MARCHF11: variants seen among roughly 807,000 people sequenced by gnomAD.
The protein encoded by MARCHF11 is E3 ubiquitin-protein ligase MARCHF11.
MARCHF11 carries 29 observed loss-of-function variants against 37.3 expected under a neutral mutation model. The observed-to-expected ratio is 0.78, with a 90% CI of 0.58 to 1.06. The LOEUF (loss-of-function observed/expected upper bound fraction) is 1.06, where lower values mean the gene tolerates loss of function less well. Among genes scored for constraint, MARCHF11 ranks in the 50% least tolerant of loss-of-function variants. The pLI, the probability that MARCHF11 is intolerant of heterozygous loss-of-function variation, is 0.00. For synonymous variants in MARCHF11, 233 were observed against 228.0 expected, an observed-to-expected ratio of 1.02 and a Z score of -0.20; for missense variants, 482 against 533.4, an observed-to-expected ratio of 0.90 and a Z score of 0.95.
In MARCHF11 at chr5:16,067,261, A is replaced by ACTT; in HGVS notation, c.*207_*209dup. ...ATATGTATAATGATTTCAAGTACCA[A>ACTT]CTTATAAAAGATGTGACAAACCAGA... On this transcript the variant is annotated 3_prime_UTR_variant, in exon 4 of 4. Coordinates refer to ENST00000332432, the MANE Select transcript of MARCHF11 (RefSeq NM_001102562.3). The ACTT allele has an allele frequency of 2.0e-6, 1 of 498,482 alleles. No individual in the cohort carries two copies. The highest frequency in any genetic ancestry group is 3.5e-6 in the Non-Finnish European group (1 of 285,358). 30.9% of individuals were successfully genotyped at this position (498,482 alleles called of 1,614,324 possible). A position where few individuals can be genotyped will look rare whatever the true frequency, so the allele number is the denominator to read the frequency against.
At chr5:16,079,069 C>A (rs961136514) in intron 3 of MARCHF11, among the ~76,000 whole-genome samples, 2 of 152,110 alleles carry the variant, frequency 1.3e-5, no homozygotes, top group Non-Finnish European at 2.9e-5. Flanking sequence ...GATGGTTTGA[C>A]CCCTGACTCC....
chr5:16,163,772 A>G (rs1738125337), intron 2 of MARCHF11, among the ~76,000 whole-genome samples: 1 of 152,110 alleles, frequency 6.6e-6, no homozygotes, highest in Admixed American at 6.6e-5. Context: ...TTAATCATCA[A>G]TGTGATACTA....
intron 2 of MARCHF11, among the ~76,000 whole-genome samples, chr5:16,099,863 A>T (rs530080031): frequency 6.6e-6 from 1 of 152,272 alleles, no homozygotes; most frequent in East Asian, 1.9e-4. Context: ...GAACTCAATC[A>T]TGCCACGAAC....
chr5:16,127,965 C>T (rs1231154564), intron 2 of MARCHF11, among the ~76,000 whole-genome samples: 1 of 152,130 alleles, frequency 6.6e-6, no homozygotes, highest in Non-Finnish European at 1.5e-5. Flanking sequence ...GCAATGGCTA[C>T]ATTCTCCTAC....
chr5:16,102,582 T>C (rs1370073973), intron 2 of MARCHF11, among the ~76,000 whole-genome samples: 3 of 152,214 alleles, frequency 2.0e-5, no homozygotes, highest in African/African-American at 7.2e-5. Flanking sequence ...CAGCCACTGA[T>C]AGCCAAACTC....
At chr5:16,071,062 G>C (rs1162707093) in intron 3 of MARCHF11, among the ~76,000 whole-genome samples, 7 of 152,090 alleles carry the variant, frequency 4.6e-5, no homozygotes, top group Non-Finnish European at 8.8e-5. Flanking sequence ...TTCAACTTTG[G>C]CTCATTCTGT....
intron 2 of MARCHF11, among the ~76,000 whole-genome samples, chr5:16,111,718 G>T (rs1417978478): frequency 6.6e-6 from 1 of 152,210 alleles, no homozygotes; most frequent in South Asian, 2.1e-4. Flanking sequence ...TAATCAGCAA[G>T]ACAATAGGGA....
At chr5:16,081,929 C>T (rs1287920885) in intron 3 of MARCHF11, among the ~76,000 whole-genome samples, 1 of 152,152 alleles carries the variant, frequency 6.6e-6, no homozygotes, top group African/African-American at 2.4e-5. Flanking sequence ...CCCTTCTATG[C>T]TATTTCCCAG....
chr5:16,106,792 C>A (rs1737048409), intron 2 of MARCHF11, among the ~76,000 whole-genome samples: 1 of 152,124 alleles, frequency 6.6e-6, no homozygotes. Context: ...GACCTTGCAA[C>A]AAAAAACCCT....
chr5:16,108,428 C>T (rs1341544800), intron 2 of MARCHF11, among the ~76,000 whole-genome samples: 1 of 152,206 alleles, frequency 6.6e-6, no homozygotes, highest in African/African-American at 2.4e-5. Context: ...AAGAAATAAG[C>T]TTATATCTGG....
At chr5:16,091,482 A>G (rs1456885395) in intron 2 of MARCHF11, among the ~76,000 whole-genome samples, 1 of 152,224 alleles carries the variant, frequency 6.6e-6, no homozygotes, top group Non-Finnish European at 1.5e-5. Flanking sequence ...ACATTTGGCT[A>G]CTGCAAAAAG....
chr5:16,100,346 A>C (rs1424318246), intron 2 of MARCHF11, among the ~76,000 whole-genome samples: 1 of 152,236 alleles, frequency 6.6e-6, no homozygotes, highest in African/African-American at 2.4e-5. Flanking sequence ...TAGATGAATC[A>C]GAACAAAGGT....
rs116360359 is a variant in MARCHF11 at position 16,118,121 on chromosome 5, C to T, written c.694-27040G>A. On this transcript the variant is annotated intron_variant, in intron 2 of 3. Transcript: ENST00000332432. ...CTGGCAGACAGAAGAGTGCCAAGCACCTGTGGCAATCCTGAGGAACACACA... is the reference window on the plus strand; with the variant it reads ...CTGGCAGACAGAAGAGTGCCAAGCATCTGTGGCAATCCTGAGGAACACACA... Among the ~76,000 whole-genome samples, 514 of 152,264 alleles carry T rather than the reference C, an allele frequency of 3.4e-3. 2 individuals carry two copies. The highest frequency in any genetic ancestry group is 0.012 in the African/African-American group (483 of 41,558).
intron 2 of MARCHF11, among the ~76,000 whole-genome samples, chr5:16,120,426 T>C (rs1409074671): frequency 6.6e-6 from 1 of 152,204 alleles, no homozygotes; most frequent in African/African-American, 2.4e-5. Context: ...ACTTGGCCCC[T>C]CTAGGGTCTC....
chr5:16,118,698 A>G (rs56876261), intron 2 of MARCHF11, among the ~76,000 whole-genome samples: 35,774 of 151,990 alleles, frequency 0.24, 4,746 homozygotes, highest in African/African-American at 0.35. Flanking sequence ...AACCCAAGAG[A>G]GAGGAATCAG....
chr5:16,084,989 A>AGTGTGTGTGTGTGTGTGT (rs530675511), intron 3 of MARCHF11, among the ~76,000 whole-genome samples: 8 of 128,670 alleles, frequency 6.2e-5, no homozygotes, highest in African/African-American at 1.7e-4. Context: ...CAGGGATCAG[A>AGTGTGTGTGTGTGTGTGT]GTGAGTGTGT....
chr5:16,152,909 A>G (rs1211606727), intron 2 of MARCHF11, among the ~76,000 whole-genome samples: 5 of 152,008 alleles, frequency 3.3e-5, no homozygotes, highest in African/African-American at 1.2e-4. Flanking sequence ...CTTAAATGGT[A>G]TAAAGTAAAT....
At position 16,067,826 on chromosome 5, in the gene MARCHF11, CT is replaced by C. The variant is rs1736375884; in HGVS notation, c.887-34del. 4 of 1,566,136 alleles carry C rather than the reference CT, an allele frequency of 2.6e-6. No homozygotes were observed. In the South Asian group the frequency reaches 4.7e-5, roughly 18 times the overall value. On this transcript the variant is annotated intron_variant, in intron 3 of 3. Coordinates refer to ENST00000332432, the MANE Select transcript of MARCHF11 (RefSeq NM_001102562.3). ...TTGAGAAAATAAAAAACCAAAAAGACTGGTGATAATCCAAGGCTGGGAGTGT... is the reference window on the plus strand; with the variant it reads ...TTGAGAAAATAAAAAACCAAAAAGACGGTGATAATCCAAGGCTGGGAGTGT...
intron 2 of MARCHF11, among the ~76,000 whole-genome samples, chr5:16,159,374 T>C (rs192802159): frequency 1.0e-3 from 157 of 151,994 alleles, no homozygotes; most frequent in Non-Finnish European, 2.0e-3. Context: ...CACTTTCAAA[T>C]AGTTCTTGGT....
Sources: gnomAD v4.1 joint callset for allele counts (sites outside exome capture counted in the v4.1 genomes callset) on GRCh38, gnomAD v4.1.1 for gene constraint, MANE v1.5 for transcripts, NCBI Gene and HGNC (gene_info 2026-07-23, HGNC 2026-07-21) for gene names.